Variants in DMD observed in about 807,000 individuals in gnomAD.
The protein encoded by DMD is dystrophin.
DMD carries 63 observed loss-of-function variants against 330.1 expected under a neutral mutation model. That is an observed-to-expected ratio of 0.19 (90% CI 0.16 to 0.24). DMD has a LOEUF of 0.24. DMD is among the 10% of genes least tolerant of loss of function. DMD has a pLI of 1.00. For synonymous variants in DMD, 1,223 were observed against 959.8 expected (o/e 1.27, Z -5.07); for missense variants, 3,344 against 2,684.1 (o/e 1.25, Z -5.43).
chrX:33,327,928 T>C (rs1488977983), intron 1 of DMD, among the ~76,000 whole-genome samples: 2 of 112,040 alleles, frequency 1.8e-5, no homozygotes, highest in African/African-American at 6.5e-5. Flanking sequence ...GAACTGCACC[T>C]AGCATGTTAA....
At position 31,496,935 on chromosome X, in the gene DMD, C is replaced by T. The variant is rs989985309; in HGVS notation, c.8400G>A (p.Leu2800=). 2 of 1,207,859 alleles carry T rather than the reference C, an allele frequency of 1.7e-6. No individual in the cohort carries two copies. Among genetic ancestry groups the T allele is most frequent in the Non-Finnish European group, 2.2e-6 (2 of 893,388 alleles). The change falls in exon 57 of 79, where the codon TTG becomes TTA. Residue 2800 remains leucine (L), a synonymous_variant. Coordinates refer to ENST00000357033, the MANE Select transcript of DMD (RefSeq NM_004006.3). ...GCTTCCACTGGTCAGAACTGGCTTC[C>T]AAATGGGACCTGAAAAAGAACAGCA... ...RKKSLNIRSH[L]EASSDQWKRL...
At position 32,452,304 on chromosome X, in the gene DMD, GGAAAGTGAAAGTGAAAGTGAAAGT is replaced by G. The variant is rs1194944157; in HGVS notation, c.3603+2334_3603+2357del. On this transcript the variant is annotated intron_variant, in intron 26 of 78. Coordinates refer to ENST00000357033, the MANE Select transcript of DMD (RefSeq NM_004006.3). The stretch of plus-strand genomic sequence containing the variant: ...AAAAGAAAGGAAAGGAAAAGGAAAG[GGAAAGTGAAAGTGAAAGTGAAAGT>G]GAAAGTGAAAGGGAAAGGGAAAGGG... Among the ~76,000 whole-genome samples, 178 of 23,799 alleles carry G rather than the reference GGAAAGTGAAAGTGAAAGTGAAAGT, an allele frequency of 7.5e-3. 16 individuals carry two copies. Among genetic ancestry groups the G allele is most frequent in the African/African-American group, 0.026 (128 of 4,891 alleles). The allele number at this position is 23,799 out of a possible 115,157, so 20.7% of individuals were successfully genotyped here. A position where few individuals can be genotyped will look rare whatever the true frequency, so the allele number is the denominator to read the frequency against.
At chrX:32,611,837 G>C (rs2057198916) in intron 12 of DMD, among the ~76,000 whole-genome samples, 1 of 112,034 alleles carries the variant, frequency 8.9e-6, no homozygotes, top group African/African-American at 3.2e-5. Flanking sequence ...ACTTCCAAAA[G>C]TATTGGACAC....
intron 45 of DMD, among the ~76,000 whole-genome samples, chrX:31,959,155 C>G (rs781206261): frequency 9.0e-6 from 1 of 111,672 alleles, no homozygotes; most frequent in Non-Finnish European, 1.9e-5. Context: ...CTTGAGTCAC[C>G]CTGCCACTAG....
At chrX:32,017,637 G>A (rs969018881) in intron 44 of DMD, among the ~76,000 whole-genome samples, 1 of 111,661 alleles carries the variant, frequency 9.0e-6, no homozygotes, top group African/African-American at 3.3e-5. Flanking sequence ...CATATGTAAC[G>A]AGGAACTGGC....
At chrX:32,758,452 C>G (rs749921883) in intron 7 of DMD, among the ~76,000 whole-genome samples, 7 of 111,306 alleles carry the variant, frequency 6.3e-5, no homozygotes, top group Non-Finnish European at 1.1e-4. Flanking sequence ...CATAACCTTT[C>G]AAAGTTCAGC....
intron 60 of DMD, among the ~76,000 whole-genome samples, chrX:31,415,728 C>T (rs1038040873): frequency 9.0e-6 from 1 of 111,005 alleles, no homozygotes; most frequent in African/African-American, 3.3e-5. Flanking sequence ...AACAGCCATC[C>T]CTCCTCCCAT....
chrX:32,804,013 A>G (rs1417015693), intron 7 of DMD, among the ~76,000 whole-genome samples: 6 of 111,319 alleles, frequency 5.4e-5, no homozygotes, highest in Non-Finnish European at 1.1e-4. Context: ...TATCCTTTTT[A>G]ATTTTCTGTC....
At chrX:31,803,497 G>GAA (rs1307709848) in intron 50 of DMD, among the ~76,000 whole-genome samples, 1 of 111,769 alleles carries the variant, frequency 8.9e-6, no homozygotes, top group Non-Finnish European at 1.9e-5. Context: ...CCCCAATCAA[G>GAA]AAATAGAATA....
rs1307494545 is a variant in DMD at position 33,008,870 on chromosome X, AC to A, written c.93+11268del. 8.6e-4 allele frequency among the ~76,000 whole-genome samples: 43 copies of A among 49,789 alleles called. 3 individuals carry two copies. Among genetic ancestry groups the A allele is most frequent in the African/African-American group, 2.3e-3 (39 of 16,634 alleles). 43.2% of individuals were successfully genotyped at this position (49,789 alleles called of 115,157 possible). A position where few individuals can be genotyped will look rare whatever the true frequency, so the allele number is the denominator to read the frequency against. On this transcript the variant is annotated intron_variant, in intron 2 of 78. Coordinates refer to ENST00000357033, the MANE Select transcript of DMD (RefSeq NM_004006.3). ...TATGTATACGTGTATATATACACAT[AC>A]TCATATATGTATATATACGTGTATA...
intron 65 of DMD, among the ~76,000 whole-genome samples, chrX:31,207,043 T>C (rs2148568740): frequency 8.9e-6 from 1 of 112,001 alleles, no homozygotes; most frequent in South Asian, 3.7e-4. Context: ...TTCACCAATC[T>C]ACTTTGGTTA....
intron 48 of DMD, among the ~76,000 whole-genome samples, chrX:31,854,979 G>A (rs1298000977): frequency 9.0e-6 from 1 of 111,660 alleles, no homozygotes; most frequent in African/African-American, 3.3e-5. Flanking sequence ...AATCATCTGT[G>A]GTAGAGAAGC....
intron 2 of DMD, among the ~76,000 whole-genome samples, chrX:33,008,994 G>A (rs1204600393): frequency 3.2e-5 from 3 of 93,486 alleles, no homozygotes; most frequent in Non-Finnish European, 6.6e-5. Context: ...ATATATACGT[G>A]TGTATATATA....
chrX:32,365,736 T>G (rs1373600027), intron 34 of DMD, among the ~76,000 whole-genome samples: 1 of 111,978 alleles, frequency 8.9e-6, no homozygotes. Context: ...TGCAACACAT[T>G]TTTTAAATAT....
At chrX:31,637,348 T>C (rs1393191300) in intron 54 of DMD, among the ~76,000 whole-genome samples, 1 of 112,024 alleles carries the variant, frequency 8.9e-6, no homozygotes, top group Admixed American at 9.5e-5. Flanking sequence ...CCTAGATACT[T>C]TGAAATGTAT....
At chrX:32,478,762 T>C (rs2041507994) in intron 21 of DMD, among the ~76,000 whole-genome samples, 1 of 111,737 alleles carries the variant, frequency 8.9e-6, no homozygotes, top group Non-Finnish European at 1.9e-5. Flanking sequence ...TTATGCAACT[T>C]GCTCTGCTGA....
chrX:33,261,627 AAC>A (rs56984530), intron 1 of DMD, among the ~76,000 whole-genome samples: 1,158 of 89,012 alleles, frequency 0.013, 1 homozygote, highest in African/African-American at 0.016. Context: ...ATACGGGAAG[AAC>A]ACACACACAC....
intron 13 of DMD, among the ~76,000 whole-genome samples, chrX:32,578,186 C>T (rs1360868210): frequency 5.5e-5 from 6 of 109,097 alleles, no homozygotes; most frequent in Non-Finnish European, 7.7e-5. Flanking sequence ...GATTAGAAAC[C>T]TCTTCTCTAG....
chrX:33,029,567 T>C (rs1448667134), intron 1 of DMD, among the ~76,000 whole-genome samples: 2 of 112,105 alleles, frequency 1.8e-5, no homozygotes, highest in African/African-American at 3.2e-5. Flanking sequence ...TCAGCTCATA[T>C]TGAATAAAAG....
Sources: allele counts gnomAD v4.1 joint callset (sites outside exome capture counted in the v4.1 genomes callset), GRCh38; gene constraint gnomAD v4.1.1; transcripts MANE v1.5; gene names NCBI Gene and HGNC (gene_info 2026-07-23, HGNC 2026-07-21).